Variants in AK4 observed in about 807,000 individuals in gnomAD.
The protein encoded by AK4 is adenylate kinase 4, mitochondrial.
Under a neutral mutation model 24.6 loss-of-function variants are expected in AK4, and 13 were observed. That is an observed-to-expected ratio of 0.53 (90% CI 0.34 to 0.84). The LOEUF (loss-of-function observed/expected upper bound fraction) is 0.84. AK4 is among the 40% of genes least tolerant of loss of function. The pLI, the probability that AK4 is intolerant of heterozygous loss-of-function variation, is 0.01. For missense variants in AK4, 192 were observed against 288.2 expected, an observed-to-expected ratio of 0.67 and a Z score of 2.42; for synonymous variants, 88 against 107.0, an observed-to-expected ratio of 0.82 and a Z score of 1.10.
At chr1:65,155,916 C>T (rs1289502141) in intron 1 of AK4, among the ~76,000 whole-genome samples, 3 of 152,106 alleles carry the variant, frequency 2.0e-5, no homozygotes, top group Admixed American at 1.3e-4. Flanking sequence ...GTGATCTGCC[C>T]GCCTTGGCTT....
chr1:65,203,875 T>C (rs1463429950), intron 2 of AK4, among the ~76,000 whole-genome samples: 1 of 152,008 alleles, frequency 6.6e-6, no homozygotes, highest in Non-Finnish European at 1.5e-5. Flanking sequence ...AATGTAAAAC[T>C]CTTGATTGTC....
At chr1:65,210,465 C>T (rs757567671) in intron 2 of AK4, among the ~76,000 whole-genome samples, 1 of 152,136 alleles carries the variant, frequency 6.6e-6, no homozygotes, top group Non-Finnish European at 1.5e-5. Flanking sequence ...AACAGTTTCC[C>T]CCACCCTCCT....
chr1:65,162,435 A>G (rs1444978740), intron 1 of AK4, among the ~76,000 whole-genome samples: 4 of 152,296 alleles, frequency 2.6e-5, no homozygotes, highest in Middle Eastern at 3.4e-3. Context: ...TTTGGGCTTC[A>G]TTGTAACTGG....
At chr1:65,204,332 T>C (rs1651751722) in intron 2 of AK4, among the ~76,000 whole-genome samples, 1 of 151,838 alleles carries the variant, frequency 6.6e-6, no homozygotes, top group East Asian at 1.9e-4. Context: ...TCCCAAGTAG[T>C]GGGATTACAG....
intron 1 of AK4, among the ~76,000 whole-genome samples, chr1:65,160,393 G>A (rs1399957019): frequency 6.6e-6 from 1 of 152,116 alleles, no homozygotes; most frequent in East Asian, 1.9e-4. Context: ...GATGGAGGAG[G>A]AAAAGGGCTA....
intron 1 of AK4, among the ~76,000 whole-genome samples, chr1:65,170,366 T>TCACA (rs543805884): frequency 1.7e-4 from 25 of 151,322 alleles, no homozygotes; most frequent in African/African-American, 2.7e-4. Flanking sequence ...AGACTCCGTC[T>TCACA]CACACACACA....
rs1031867795 is a variant in AK4 at position 65,231,158 on chromosome 1, G to T, written c.*4981G>T. The T allele has an allele frequency of 6.6e-6, 1 of 152,086 alleles. No homozygotes were observed. Among genetic ancestry groups the T allele is most frequent in the Non-Finnish European group, 1.5e-5 (1 of 68,018 alleles). The allele number at this position is 152,086 out of a possible 1,614,324, so 9.4% of individuals were successfully genotyped here. A position where few individuals can be genotyped will look rare whatever the true frequency, so the allele number is the denominator to read the frequency against. ...TGGTTTCCAAATGAGAAGTGTGCAG[G>T]CCCCAGAGGTTGAGAAGCCATATTT... On this transcript the variant is annotated 3_prime_UTR_variant, in exon 5 of 5. Transcript: ENST00000327299.
At chr1:65,202,866 CTTTTTTTTTTTT>C (rs34143736) in intron 2 of AK4, among the ~76,000 whole-genome samples, 2 of 91,814 alleles carry the variant, frequency 2.2e-5, no homozygotes, top group African/African-American at 8.4e-5. Flanking sequence ...GCTGTGTAGT[CTTTTTTTTTTTT>C]TTTTTTTTTT....
chr1:65,190,844 T>C lies in AK4; in HGVS notation c.265+15T>C. On this transcript the variant is annotated intron_variant, in intron 2 of 4. Transcript: ENST00000327299. ...GCTCCTTGATGGTGAGTTGAAACTG[T>C]GGGTAAACCGAATTTCTGGGAATAG... is the stretch of plus-strand genomic sequence containing the variant. 1 of 1,611,680 alleles carries C rather than the reference T, an allele frequency of 6.2e-7. No homozygotes were observed. The highest frequency in any genetic ancestry group is 1.1e-5 in the South Asian group (1 of 90,332).
chr1:65,159,574 C>G (rs915855098), intron 1 of AK4, among the ~76,000 whole-genome samples: 1 of 151,968 alleles, frequency 6.6e-6, no homozygotes, highest in East Asian at 1.9e-4. Flanking sequence ...GGAGGATTGC[C>G]TGAGTCCAGG....
chr1:65,221,659 T>G (rs534830865), intron 3 of AK4, among the ~76,000 whole-genome samples: 1 of 152,214 alleles, frequency 6.6e-6, no homozygotes, highest in South Asian at 2.1e-4. Flanking sequence ...AAAAAAGGAG[T>G]TCTGACAATA....
At chr1:65,167,818 C>T (rs950908921) in intron 1 of AK4, among the ~76,000 whole-genome samples, 1 of 151,612 alleles carries the variant, frequency 6.6e-6, no homozygotes, top group Non-Finnish European at 1.5e-5. Context: ...TTTTTTTCCC[C>T]TTATACTGAG....
chr1:65,217,520 G>T (rs1652168638), intron 2 of AK4, among the ~76,000 whole-genome samples: 3 of 152,062 alleles, frequency 2.0e-5, no homozygotes, highest in Admixed American at 1.3e-4. Context: ...CATTTTTTTA[G>T]AAAATGATAG....
intron 3 of AK4, among the ~76,000 whole-genome samples, chr1:65,223,182 T>A (rs1278691841): frequency 6.6e-6 from 1 of 151,926 alleles, no homozygotes; most frequent in African/African-American, 2.4e-5. Context: ...TGTTATTTTT[T>A]ATTTTTTATT....
chr1:65,224,973 A>G, intron 4 of AK4, 103 bp downstream of exon 4: 2 of 822,948 alleles, frequency 2.4e-6, no homozygotes, highest in Non-Finnish European at 3.9e-6. Context: ...TCTTTAAGAC[A>G]GATAAACACT....
chr1:65,179,846 G>GA (rs1173539602), intron 1 of AK4, among the ~76,000 whole-genome samples: 1 of 151,888 alleles, frequency 6.6e-6, no homozygotes, highest in African/African-American at 2.4e-5. Context: ...AAAACAAAAA[G>GA]AAAAAAGAAA....
At chr1:65,200,897 C>G (rs565483448) in intron 2 of AK4, among the ~76,000 whole-genome samples, 4 of 151,986 alleles carry the variant, frequency 2.6e-5, no homozygotes, top group African/African-American at 9.6e-5. Context: ...TGGGTTCAAG[C>G]GATTCTCCTG....
intron 1 of AK4, among the ~76,000 whole-genome samples, chr1:65,169,889 G>T (rs1307807217): frequency 6.6e-6 from 1 of 151,984 alleles, no homozygotes; most frequent in Non-Finnish European, 1.5e-5. Context: ...TCGGTTTTGT[G>T]TGTGTGTGTG....
At chr1:65,151,589 A>T (rs1025505043) in intron 1 of AK4, among the ~76,000 whole-genome samples, 1 of 151,900 alleles carries the variant, frequency 6.6e-6, no homozygotes, top group African/African-American at 2.4e-5. Context: ...TACAATTTCC[A>T]CTCTGAAACT....
Sources: gnomAD v4.1 joint callset for allele counts (sites outside exome capture counted in the v4.1 genomes callset) on GRCh38, gnomAD v4.1.1 for gene constraint, MANE v1.5 for transcripts, NCBI Gene and HGNC (gene_info 2026-07-23, HGNC 2026-07-21) for gene names.